Variants in MUC13 observed in about 807,000 individuals in gnomAD.
MUC13 encodes mucin-13.
A neutral mutation model predicts 48.3 loss-of-function variants in MUC13; 32 were observed. The ratio of observed to expected loss-of-function variants is 0.66; its 90% confidence interval spans 0.50 to 0.89. MUC13 has a LOEUF of 0.89. MUC13 is among the 40% of genes least tolerant of loss of function. The pLI is 0.00. For synonymous variants in MUC13, 199 were observed against 224.9 expected, an observed-to-expected ratio of 0.88 and a Z score of 1.03; for missense variants, 571 against 622.8, an observed-to-expected ratio of 0.92 and a Z score of 0.88.
chr3:124,932,019 TG>T (rs1432909995), intron 1 of MUC13, among the ~76,000 whole-genome samples: 2 of 152,116 alleles, frequency 1.3e-5, no homozygotes, highest in Admixed American at 6.5e-5. Flanking sequence ...CACTCCAGCC[TG>T]GGCAACAAGA....
chr3:124,910,575 C>A, intron 9 of MUC13, 76 bp from the exon 10 acceptor site: 1 of 1,576,464 alleles, frequency 6.3e-7, no homozygotes, highest in Non-Finnish European at 8.6e-7. Context: ...TTCGTGTATT[C>A]CCAGGGACTC....
chr3:124,934,650 A>C lies in MUC13; in HGVS notation c.52+11T>G. 6.3e-7 allele frequency: 1 copy of C among 1,588,438 alleles called. No homozygotes were observed. The highest frequency in any genetic ancestry group is 8.6e-7 in the Non-Finnish European group (1 of 1,157,076). On this transcript the variant is annotated intron_variant, in intron 1 of 11. Coordinates refer to ENST00000616727, the MANE Select transcript of MUC13 (RefSeq NM_033049.4). ...TGATTGGAAGAATTAAAATGTAAAAATATTCCTTACCTGTGTTTACAGAAA... is the reference window on the plus strand; with the variant it reads ...TGATTGGAAGAATTAAAATGTAAAACTATTCCTTACCTGTGTTTACAGAAA...
intron 2 of MUC13, among the ~76,000 whole-genome samples, chr3:124,926,551 A>G (rs1373190968): frequency 6.6e-6 from 1 of 152,198 alleles, no homozygotes; most frequent in African/African-American, 2.4e-5. Context: ...TCTTAAATCT[A>G]TCAAAGAACA....
At chr3:124,913,541 A>C (rs774561582) in intron 7 of MUC13, 21 bp downstream of exon 7, 3 of 1,613,834 alleles carry the variant, frequency 1.9e-6, no homozygotes, top group East Asian at 4.5e-5. Flanking sequence ...AAGAACATTT[A>C]GAAGCAGGTG....
chr3:124,927,765 C>G lies in MUC13; in HGVS notation c.281G>C (p.Ser94Thr). 6.2e-7 allele frequency: 1 copy of G among 1,606,432 alleles called. No homozygotes were observed. Among genetic ancestry groups the G allele is most frequent in the South Asian group, 1.1e-5 (1 of 90,050 alleles). ...AGTAGGTATAGGAATTGTGGAGGAACTATGTGTACTAATTATGGGGGGAGC... is the reference window on the plus strand; with the variant it reads ...AGTAGGTATAGGAATTGTGGAGGAAGTATGTGTACTAATTATGGGGGGAGC... Reference protein sequence around the residue: ...TPAPPIISTHSSSTIPIPTAA... With the variant: ...TPAPPIISTHTSSTIPIPTAA... The change falls in exon 2 of 12, where the codon AGT becomes ACT. Residue 94 changes from serine to threonine, a missense_variant. Ser to Thr is a moderately conservative substitution (Grantham distance 58). Coordinates refer to ENST00000616727, the MANE Select transcript of MUC13 (RefSeq NM_033049.4).
chr3:124,910,444 G>A lies in MUC13; in HGVS notation c.1308C>T (p.Ser436=). Residue 436 remains serine (S), a synonymous_variant, in exon 10 of 12, where the codon AGC becomes AGT. Coordinates refer to ENST00000616727, the MANE Select transcript of MUC13 (RefSeq NM_033049.4). ...CTGTGACAATCAATGCAATTATCATGCTGAGAATGACAATGCCAGCGATGG... is the reference window on the plus strand; with the variant it reads ...CTGTGACAATCAATGCAATTATCATACTGAGAATGACAATGCCAGCGATGG... ...VGTIAGIVIL[S]MIIALIVTAR... 2 of 1,614,052 alleles carry A rather than the reference G, an allele frequency of 1.2e-6. No individual in the cohort carries two copies. Among genetic ancestry groups the A allele is most frequent in the Non-Finnish European group, 1.7e-6 (2 of 1,179,974 alleles).
chr3:124,916,900 G>A (rs144650709), intron 5 of MUC13, among the ~76,000 whole-genome samples: 3,404 of 152,194 alleles, frequency 0.022, 56 homozygotes, highest in Non-Finnish European at 0.033. Context: ...AGAGGGGCGC[G>A]TGTCCCTCCC....
At position 124,917,342 on chromosome 3, in the gene MUC13, C is replaced by T. The variant is rs1013607590; in HGVS notation, c.801-862G>A. 2.3e-5 allele frequency among the ~76,000 whole-genome samples: 3 copies of T among 130,168 alleles called. No homozygotes were observed. The Admixed American group carries it at 2.7e-4, about 12-fold the overall frequency. The allele number at this position is 130,168 out of a possible 152,430, so 85.4% of individuals were successfully genotyped here. ...TTGTCTAAATGTTTTTTTCTATACA[C>T]CTTTTTGACATTTTTTTTTTTTTGA... On this transcript the variant is annotated intron_variant, in intron 5 of 11. Coordinates refer to ENST00000616727, the MANE Select transcript of MUC13 (RefSeq NM_033049.4).
intron 3 of MUC13, 96 bp from the exon 4 acceptor site, chr3:124,922,399 A>G (rs566236552): frequency 5.6e-6 from 8 of 1,421,988 alleles, no homozygotes; most frequent in South Asian, 2.8e-5. Flanking sequence ...AATTCCCAAC[A>G]TTATATAACG....
chr3:124,914,856 T>C (rs977116341), intron 6 of MUC13, among the ~76,000 whole-genome samples: 6 of 151,200 alleles, frequency 4.0e-5, no homozygotes, highest in African/African-American at 9.7e-5. Flanking sequence ...AACCCGGGAG[T>C]TGGAGGTTGT....
In MUC13 at chr3:124,927,527, C is replaced by G. The variant is rs762678604; in HGVS notation, c.514+5G>C. 2.5e-6 allele frequency: 4 copies of G among 1,613,132 alleles called. No individual in the cohort carries two copies. The African/African-American group carries it at 5.3e-5, about 22-fold the overall frequency. The stretch of plus-strand genomic sequence containing the variant: ...TTGGGGAGTCTTTGAGGGAATTGTC[C>G]TTACCTGTGCTGTTTAGGGTGCTGG... On this transcript the variant is annotated splice_donor_5th_base_variant and intron_variant, in intron 2 of 11. Coordinates refer to ENST00000616727, the MANE Select transcript of MUC13 (RefSeq NM_033049.4).
rs1448636595 is a variant in MUC13, at chr3:124,908,244, C to A, written c.1442G>T (p.Gly481Val). The A allele has an allele frequency of 6.2e-7, 1 of 1,614,154 alleles. No homozygotes were observed. The highest frequency in any genetic ancestry group is 8.5e-7 in the Non-Finnish European group (1 of 1,180,014). The change falls in exon 11 of 12, where the codon GGG becomes GTG. Residue 481 changes from glycine (G) to valine (V), a missense_variant. Physicochemically the swap from Gly to Val is moderately radical, Grantham distance 109 (BLOSUM62 -3). Transcript: ENST00000616727. ...STGFTNLGAEGSVFPKVRITA... is the reference protein window; with the variant it reads ...STGFTNLGAEVSVFPKVRITA... ...TATCCTGACCTTAGGAAAGACGCTC[C>A]CTTCTGCTCCAAGATTGGTGAAGCC... is the stretch of plus-strand genomic sequence containing the variant.
chr3:124,932,687 C>T (rs994958645), intron 1 of MUC13, among the ~76,000 whole-genome samples: 2 of 152,128 alleles, frequency 1.3e-5, no homozygotes, highest in Non-Finnish European at 2.9e-5. Flanking sequence ...GGCTCTTTGT[C>T]TCATTTAATC....
In MUC13 at chr3:124,905,833, C is replaced by T. The variant is rs1026581704; in HGVS notation, c.*910G>A. ...CCTGGATTTTTTGTTTTTAAACCTT[C>T]TCCCAGCCAGTCTTCGGGAGGGCAT... On this transcript the variant is annotated 3_prime_UTR_variant, in exon 12 of 12. Transcript: ENST00000616727. 1.3e-5 allele frequency: 2 copies of T among 152,320 alleles called. No homozygotes were observed. The highest frequency in any genetic ancestry group is 1.3e-4 in the Admixed American group (2 of 15,284). The allele number at this position is 152,320 out of a possible 1,614,324, so 9.4% of individuals were successfully genotyped here.
chr3:124,920,354 A>T, intron 4 of MUC13, 65 bp from the exon 5 acceptor site: 2 of 1,260,136 alleles, frequency 1.6e-6, no homozygotes, highest in Non-Finnish European at 2.2e-6. Context: ...TCTACAAATC[A>T]AATGAGGCAG....
At position 124,916,182 on chromosome 3, in the gene MUC13, G is replaced by C. The variant is rs559278545; in HGVS notation, c.964+135C>G. On this transcript the variant is annotated intron_variant, in intron 6 of 11. Coordinates refer to ENST00000616727, the MANE Select transcript of MUC13 (RefSeq NM_033049.4). ...GAACAAGAAAAGGGAAGAAGAATTGGATAAAAAGAAATTTAGAGACAGTTG... is the reference window on the plus strand; with the variant it reads ...GAACAAGAAAAGGGAAGAAGAATTGCATAAAAAGAAATTTAGAGACAGTTG... The C allele has an allele frequency of 5.7e-6, 4 of 702,530 alleles. No individual in the cohort carries two copies. In the East Asian group the frequency reaches 1.1e-4, roughly 19 times the overall value. The allele number at this position is 702,530 out of a possible 1,614,324, so 43.5% of individuals were successfully genotyped here.
At chr3:124,922,123 A>G in intron 4 of MUC13, 74 bp downstream of exon 4, 2 of 1,540,128 alleles carry the variant, frequency 1.3e-6, no homozygotes, top group East Asian at 2.3e-5. Flanking sequence ...CCACCTGAAG[A>G]CCAGCTCTAC....
At chr3:124,926,187 C>T (rs2877822) in intron 2 of MUC13, among the ~76,000 whole-genome samples, 34,182 of 152,114 alleles carry the variant, frequency 0.22, 3,924 homozygotes, top group South Asian at 0.3. Context: ...GACTCATTAA[C>T]TTGTTTCATG....
intron 8 of MUC13, 50 bp from the exon 9 acceptor site, chr3:124,912,191 A>G: frequency 6.2e-7 from 1 of 1,600,344 alleles, no homozygotes; most frequent in South Asian, 1.1e-5. Context: ...CCCTGTGGGG[A>G]GCATGTCAGA....
Sources: allele counts gnomAD v4.1 joint callset (sites outside exome capture counted in the v4.1 genomes callset), GRCh38; gene constraint gnomAD v4.1.1; transcripts MANE v1.5; gene names NCBI Gene and HGNC (gene_info 2026-07-23, HGNC 2026-07-21).